The following PRKG1 variants were observed in gnomAD, a reference collection of about 807,000 sequenced individuals.
PRKG1 encodes cGMP-dependent protein kinase 1.
A neutral mutation model predicts 88.1 loss-of-function variants in PRKG1; 35 were observed. The observed-to-expected ratio is 0.40, with a 90% CI of 0.30 to 0.53. PRKG1 has a LOEUF of 0.53. Ranked by LOEUF, PRKG1 falls within the 20% of genes least tolerant of loss-of-function variation. The pLI is 0.59. For missense variants in PRKG1, 540 were observed against 839.8 expected (o/e 0.64, Z 4.41); for synonymous variants, 303 against 292.5 (o/e 1.04, Z -0.37).
At chr10:51,276,377 G>C (rs1238405540) in intron 2 of PRKG1, among the ~76,000 whole-genome samples, 3 of 152,130 alleles carry the variant, frequency 2.0e-5, no homozygotes, top group Non-Finnish European at 4.4e-5. Context: ...TTGGACATTT[G>C]GGTTGGTTCC....
At position 51,699,595 on chromosome 10, in the gene PRKG1, T is replaced by G. The variant is rs781153138; in HGVS notation, c.593-104990T>G. The G allele has an allele frequency of 7.7e-6, 12 of 1,554,274 alleles. No individual in the cohort carries two copies. In the East Asian group the frequency reaches 2.7e-4, roughly 35 times the overall value. On this transcript the variant is annotated intron_variant, in intron 3 of 17. Transcript: ENST00000373980. ...CCGATAGCGGATTCTTCGAGGCGTCTGTCCTCTTGCGACCGACACTTCCGC... is the reference window on the plus strand; with the variant it reads ...CCGATAGCGGATTCTTCGAGGCGTCGGTCCTCTTGCGACCGACACTTCCGC...
At chr10:51,881,352 C>T (rs1454902848) in intron 4 of PRKG1, among the ~76,000 whole-genome samples, 1 of 152,182 alleles carries the variant, frequency 6.6e-6, no homozygotes, top group African/African-American at 2.4e-5. Context: ...CTGTGCTCAG[C>T]TGAGTGGTTC....
At chr10:52,255,364 T>G (rs998274360) in intron 10 of PRKG1, among the ~76,000 whole-genome samples, 4 of 152,076 alleles carry the variant, frequency 2.6e-5, no homozygotes, top group Admixed American at 6.6e-5. Flanking sequence ...CAGAATAGAT[T>G]TGTATGACTC....
intron 5 of PRKG1, among the ~76,000 whole-genome samples, chr10:52,037,505 G>A (rs917598312): frequency 1.3e-5 from 2 of 152,146 alleles, no homozygotes; most frequent in Admixed American, 1.3e-4. Context: ...GACCTTTTAG[G>A]GTCTAGGGCT....
intron 5 of PRKG1, among the ~76,000 whole-genome samples, chr10:52,045,301 T>G (rs1231699815): frequency 6.6e-6 from 1 of 151,896 alleles, no homozygotes; most frequent in Non-Finnish European, 1.5e-5. Context: ...CTAAGGGCTT[T>G]AAATACTAAT....
intron 8 of PRKG1, among the ~76,000 whole-genome samples, chr10:52,138,912 T>G (rs74135173): frequency 6.6e-6 from 1 of 152,056 alleles, no homozygotes; most frequent in African/African-American, 2.4e-5. Context: ...CTCACCATAA[T>G]TGGGGAGCAA....
At chr10:51,352,244 T>C (rs1257865715) in intron 2 of PRKG1, among the ~76,000 whole-genome samples, 1 of 146,168 alleles carries the variant, frequency 6.8e-6, no homozygotes, top group African/African-American at 2.5e-5. Flanking sequence ...TTTGGTTCCA[T>C]ATGGAATTTA....
At chr10:51,246,046 T>C (rs1839280769) in intron 2 of PRKG1, among the ~76,000 whole-genome samples, 1 of 152,084 alleles carries the variant, frequency 6.6e-6, no homozygotes. Context: ...CATTGTATTA[T>C]TAGGCTATAG....
rs114467362 is a variant in PRKG1, at chr10:51,624,260, T to C, written c.592+156424T>C. 2.1e-3 allele frequency among the ~76,000 whole-genome samples: 321 copies of C among 152,312 alleles called. 1 individual carries two copies. Among genetic ancestry groups the C allele is most frequent in the African/African-American group, 7.4e-3 (309 of 41,586 alleles). On this transcript the variant is annotated intron_variant, in intron 3 of 17. Coordinates refer to ENST00000373980, the MANE Select transcript of PRKG1 (RefSeq NM_006258.4). ...ATACATGCTTGCTAGACCCATTCAT[T>C]ACATGAAGTGATTCAGATGTAAGTG...
chr10:52,212,543 C>T (rs1840004846), intron 9 of PRKG1, among the ~76,000 whole-genome samples: 1 of 151,678 alleles, frequency 6.6e-6, no homozygotes, highest in South Asian at 2.1e-4. Context: ...ATAACATATA[C>T]TTTCTCATCT....
At chr10:51,614,774 G>C (rs981665437) in intron 3 of PRKG1, among the ~76,000 whole-genome samples, 8 of 151,946 alleles carry the variant, frequency 5.3e-5, no homozygotes, top group Non-Finnish European at 1.2e-4. Context: ...GGATTCTCTT[G>C]AGCATTTCTG....
intron 9 of PRKG1, among the ~76,000 whole-genome samples, chr10:52,180,240 T>A (rs1838980736): frequency 6.6e-6 from 1 of 152,232 alleles, no homozygotes; most frequent in Non-Finnish European, 1.5e-5. Flanking sequence ...ATTAATTAAA[T>A]TCTTGAGCTC....
chr10:51,169,831 AGTCCTGT>A (rs1354145884), intron 2 of PRKG1, among the ~76,000 whole-genome samples: 1 of 152,090 alleles, frequency 6.6e-6, no homozygotes, highest in Non-Finnish European at 1.5e-5. Context: ...TCAAGCATCA[AGTCCTGT>A]GTCTGGCACG....
At position 51,259,550 on chromosome 10, in the gene PRKG1, T is replaced by C. The variant is rs112483459; in HGVS notation, c.478+106220T>C. ...GTGCAGTAGCACAATCTTGGCTCAC[T>C]GCAACCTCTGCCTCCTGGGTTCAAG... On this transcript the variant is annotated intron_variant, in intron 2 of 17. Transcript: ENST00000373980. 6.3e-3 allele frequency among the ~76,000 whole-genome samples: 967 copies of C among 152,324 alleles called. 17 individuals carry two copies. The highest frequency in any genetic ancestry group is 0.022 in the African/African-American group (923 of 41,568).
At chr10:52,260,018 CTTTA>C (rs1002093936) in intron 10 of PRKG1, among the ~76,000 whole-genome samples, 1 of 151,752 alleles carries the variant, frequency 6.6e-6, no homozygotes, top group Non-Finnish European at 1.5e-5. Context: ...CTGAAAATGT[CTTTA>C]TTTTGCCTTA....
chr10:51,365,958 T>C (rs1348887446), intron 2 of PRKG1, among the ~76,000 whole-genome samples: 1 of 151,854 alleles, frequency 6.6e-6, no homozygotes, highest in East Asian at 1.9e-4. Context: ...TAAAAAAAAT[T>C]GTTTCCAGGT....
chr10:51,325,558 A>G (rs1396129571), intron 2 of PRKG1, among the ~76,000 whole-genome samples: 3 of 152,160 alleles, frequency 2.0e-5, no homozygotes, highest in Non-Finnish European at 4.4e-5. Context: ...ATTCTTCGAT[A>G]CTGTAGGTTT....
At chr10:51,931,524 C>A (rs996965288) in intron 5 of PRKG1, among the ~76,000 whole-genome samples, 1 of 152,166 alleles carries the variant, frequency 6.6e-6, no homozygotes, top group Non-Finnish European at 1.5e-5. Context: ...CCAGACCAAT[C>A]CCCTCATGTT....
intron 3 of PRKG1, among the ~76,000 whole-genome samples, chr10:51,542,749 T>A (rs1216829725): frequency 3.3e-5 from 5 of 152,060 alleles, no homozygotes; most frequent in Non-Finnish European, 1.5e-5. Flanking sequence ...TTTACCACAG[T>A]GGGAAATAGA....
Sources: allele counts gnomAD v4.1 joint callset (sites outside exome capture counted in the v4.1 genomes callset), GRCh38; gene constraint gnomAD v4.1.1; transcripts MANE v1.5; gene names NCBI Gene and HGNC (gene_info 2026-07-23, HGNC 2026-07-21).